PCLO: variants seen among roughly 807,000 people sequenced by gnomAD.
PCLO encodes protein piccolo.
In PCLO, 82 loss-of-function variants were observed where a neutral mutation model predicts 427.5. The ratio of observed to expected loss-of-function variants is 0.19; its 90% CI spans 0.16 to 0.23. The LOEUF is 0.23. PCLO is among the 10% of genes least tolerant of loss of function. PCLO has a pLI of 1.00. For synonymous variants in PCLO, 2,357 were observed against 2,155.4 expected (o/e 1.09, Z -2.59); for missense variants, 6,239 against 6,115.9 (o/e 1.02, Z -0.67).
chr7:82,907,789 CA>C, intron 8 of PCLO, among the ~76,000 whole-genome samples: 1 of 151,802 alleles, frequency 6.6e-6, no homozygotes, highest in African/African-American at 2.4e-5. Flanking sequence ...AAAAACAGAA[CA>C]AAATTCTAAG....
At chr7:83,043,386 T>C (rs1297175344) in intron 3 of PCLO, among the ~76,000 whole-genome samples, 3 of 152,202 alleles carry the variant, frequency 2.0e-5, no homozygotes, top group South Asian at 2.1e-4. Flanking sequence ...TGTTTCTTCA[T>C]AGCCCTAACA....
chr7:82,843,937 A>C (rs1792433986), intron 13 of PCLO, among the ~76,000 whole-genome samples: 1 of 152,074 alleles, frequency 6.6e-6, no homozygotes, highest in Non-Finnish European at 1.5e-5. Flanking sequence ...AAATGCGGGG[A>C]TTACAGGCAT....
At chr7:82,829,371 G>A (rs1792034129) in intron 16 of PCLO, among the ~76,000 whole-genome samples, 1 of 152,142 alleles carries the variant, frequency 6.6e-6, no homozygotes, top group Non-Finnish European at 1.5e-5. Context: ...GATGAGGCTT[G>A]AGTATTAGGA....
In PCLO at chr7:82,841,484, G is replaced by A; in HGVS notation, c.14072C>T (p.Ser4691Phe). The change falls in exon 14 of 25, where the codon TCT becomes TTT. Residue 4691 changes from serine (S) to phenylalanine (F), a missense_variant. Transcript: ENST00000333891. ...CTGAATTTCTCCTGTAATTGGATGA[G>A]AGACAACCTTTGTTCCATCGGTAGG... The part of the protein sequence containing the change: ...SKPTDGTKVV[S>F]HPITGEIQLQ... 6.3e-7 allele frequency: 1 copy of A among 1,597,754 alleles called. No homozygotes were observed. The highest frequency in any genetic ancestry group is 8.6e-7 in the Non-Finnish European group (1 of 1,165,950).
chr7:82,997,268 C>T (rs1445091825), intron 3 of PCLO, among the ~76,000 whole-genome samples: 1 of 151,906 alleles, frequency 6.6e-6, no homozygotes, highest in African/African-American at 2.4e-5. Context: ...TGATTATAGG[C>T]TATCTCAGAA....
At chr7:82,902,254 T>G (rs1330667120) in intron 9 of PCLO, among the ~76,000 whole-genome samples, 1 of 151,300 alleles carries the variant, frequency 6.6e-6, no homozygotes, top group South Asian at 2.1e-4. Context: ...CCATAAAAAA[T>G]GATGAGTTCA....
At chr7:83,043,218 C>T (rs750218810) in intron 3 of PCLO, among the ~76,000 whole-genome samples, 2 of 151,918 alleles carry the variant, frequency 1.3e-5, no homozygotes, top group Admixed American at 6.6e-5. Flanking sequence ...TTAACATTAG[C>T]GAAGCTGAAA....
intron 1 of PCLO, among the ~76,000 whole-genome samples, chr7:83,156,914 C>G (rs1792317162): frequency 6.6e-6 from 1 of 151,942 alleles, no homozygotes; most frequent in Non-Finnish European, 1.5e-5. Context: ...GCTGAGACTT[C>G]TTAAAAATTT....
At chr7:82,799,333 AGC>A (rs1271680504) in intron 22 of PCLO, among the ~76,000 whole-genome samples, 2 of 152,330 alleles carry the variant, frequency 1.3e-5, no homozygotes, top group African/African-American at 2.4e-5. Context: ...AAGAGGAATA[AGC>A]GCTATCTCTG....
At chr7:82,852,133 T>C (rs1453873440) in intron 10 of PCLO, among the ~76,000 whole-genome samples, 1 of 152,040 alleles carries the variant, frequency 6.6e-6, no homozygotes, top group Non-Finnish European at 1.5e-5. Context: ...TCCTGCTTAT[T>C]TACAGAACAA....
At chr7:82,921,244 A>C (rs1278480343) in intron 6 of PCLO, among the ~76,000 whole-genome samples, 1 of 152,074 alleles carries the variant, frequency 6.6e-6, no homozygotes. Flanking sequence ...TTCATATGGA[A>C]CCAAAAAATA....
chr7:82,962,640 T>C (rs940546716), intron 4 of PCLO, among the ~76,000 whole-genome samples: 1 of 151,932 alleles, frequency 6.6e-6, no homozygotes, highest in South Asian at 2.1e-4. Context: ...AATGAAGACA[T>C]AGCCTCAATG....
intron 2 of PCLO, among the ~76,000 whole-genome samples, chr7:83,148,653 ATCT>A (rs1451627786): frequency 2.6e-5 from 4 of 152,160 alleles, no homozygotes; most frequent in Non-Finnish European, 5.9e-5. Context: ...TAGAGAAAAT[ATCT>A]TCTTACATAT....
chr7:82,880,294 A>G (rs1299039505), intron 9 of PCLO: 2 of 279,548 alleles, frequency 7.2e-6, no homozygotes, highest in East Asian at 8.7e-5. Context: ...TGACCAAAAC[A>G]TTATGTGGCA....
At chr7:83,145,648 T>G (rs1026886758) in intron 2 of PCLO, among the ~76,000 whole-genome samples, 1 of 152,230 alleles carries the variant, frequency 6.6e-6, no homozygotes, top group African/African-American at 2.4e-5. Flanking sequence ...GCTATCCCTA[T>G]CTGCCTATTA....
intron 22 of PCLO, among the ~76,000 whole-genome samples, chr7:82,765,122 T>A (rs570584010): frequency 6.6e-6 from 1 of 151,848 alleles, no homozygotes; most frequent in African/African-American, 2.4e-5. Context: ...TTTGGGTGAA[T>A]GGAAAAATAT....
At chr7:83,004,042 T>C (rs765831562) in intron 3 of PCLO, among the ~76,000 whole-genome samples, 19 of 151,732 alleles carry the variant, frequency 1.3e-4, no homozygotes, top group Non-Finnish European at 2.5e-4. Flanking sequence ...TGTATGCTCA[T>C]AATTTCTACG....
intron 4 of PCLO, among the ~76,000 whole-genome samples, chr7:82,957,861 C>T (rs1204741429): frequency 6.6e-6 from 1 of 152,148 alleles, no homozygotes; most frequent in East Asian, 1.9e-4. Context: ...GATCTGGGAC[C>T]CTTAGCAACA....
In PCLO at chr7:82,914,779, G is replaced by T. The variant is rs1284255635; in HGVS notation, c.13207C>A (p.Gln4403Lys). The T allele has an allele frequency of 3.7e-6, 6 of 1,613,348 alleles. No individual in the cohort carries two copies. Among genetic ancestry groups the T allele is most frequent in the Non-Finnish European group, 5.1e-6 (6 of 1,179,646 alleles). ...GTCCGTGATTCTTCCCTCATGTGTT[G>T]CTGAACTTCAGGCAATGAGTGGCTT... ...GSSHSLPEVQ[Q>K]HMREESRTRG... The change falls in exon 7 of 25, where the codon CAA becomes AAA. Residue 4403 changes from glutamine to lysine, a missense_variant. This residue lies in a region of PCLO where 877 missense variants were observed against 925.5 expected (regional missense o/e 0.95). Coordinates refer to ENST00000333891, the MANE Select transcript of PCLO (RefSeq NM_033026.6).
Sources: gnomAD v4.1 joint callset for allele counts (sites outside exome capture counted in the v4.1 genomes callset) on GRCh38, gnomAD v4.1.1 for gene constraint, gnomAD v4.1.1 regional missense constraint, MANE v1.5 for transcripts, NCBI Gene and HGNC (gene_info 2026-07-23, HGNC 2026-07-21) for gene names.